The following KLF8 variants were observed in gnomAD, a reference collection of about 807,000 sequenced individuals.
KLF8 encodes Krueppel-like factor 8.
In KLF8, 10 loss-of-function variants were observed where a neutral mutation model predicts 18.2. The observed-to-expected ratio is 0.55, with a 90% CI of 0.34 to 0.93. KLF8 has a LOEUF of 0.93. Ranked by LOEUF, KLF8 falls within the 40% of genes least tolerant of loss-of-function variation. The pLI, the probability that KLF8 is intolerant of heterozygous loss-of-function variation, is 0.02. For synonymous variants in KLF8, 109 were observed against 97.3 expected (o/e 1.12, Z -0.71); for missense variants, 264 against 277.9 (o/e 0.95, Z 0.36).
chrX:56,243,299 G>T (rs1027541907), intron 1 of KLF8: 4 of 385,152 alleles, frequency 1.0e-5, no homozygotes, highest in South Asian at 2.9e-5. Context: ...CTTCTTTTTT[G>T]TGTGTGTGGT....
the KLF8 span, among the ~76,000 whole-genome samples, chrX:55,979,930 C>T: frequency 8.9e-6 from 1 of 111,894 alleles, no homozygotes; most frequent in African/African-American, 3.2e-5. Flanking sequence ...TTCTGTGATG[C>T]TTCTTTGTCA....
chrX:56,215,235 G>A, the KLF8 span, among the ~76,000 whole-genome samples: 2 of 111,865 alleles, frequency 1.8e-5, no homozygotes, highest in Admixed American at 1.9e-4. Context: ...TTGCATTGGT[G>A]ATCTGTATAT....
At chrX:56,140,913 A>T in the KLF8 span, among the ~76,000 whole-genome samples, 1 of 110,901 alleles carries the variant, frequency 9.0e-6, no homozygotes, top group Non-Finnish European at 1.9e-5. Context: ...CAACTTTTTT[A>T]AAAATTGACA....
the KLF8 span, among the ~76,000 whole-genome samples, chrX:56,078,073 C>T: frequency 9.1e-6 from 1 of 109,962 alleles, no homozygotes; most frequent in South Asian, 3.7e-4. Flanking sequence ...GATATTAAAT[C>T]ATGTCATCTG....
At chrX:55,989,503 G>A in the KLF8 span, among the ~76,000 whole-genome samples, 12 of 112,290 alleles carry the variant, frequency 1.1e-4, no homozygotes, top group African/African-American at 3.9e-4. Context: ...TCTGGATAAC[G>A]TTTACTGATT....
chrX:56,059,737 T>C, the KLF8 span, among the ~76,000 whole-genome samples: 1 of 111,682 alleles, frequency 9.0e-6, no homozygotes, highest in Non-Finnish European at 1.9e-5. Context: ...ACCAGTACCG[T>C]GCTGTTTTGT....
At chrX:56,172,457 AG>A in the KLF8 span, among the ~76,000 whole-genome samples, 27 of 111,636 alleles carry the variant, frequency 2.4e-4, no homozygotes, top group African/African-American at 8.8e-4. Flanking sequence ...ATGGCTGCAT[AG>A]TATTCCTTGG....
chrX:55,911,141 G>T, the KLF8 span, among the ~76,000 whole-genome samples: 1 of 111,950 alleles, frequency 8.9e-6, no homozygotes. Context: ...TTAGAAAATC[G>T]TAAGCAAGAG....
the KLF8 span, among the ~76,000 whole-genome samples, chrX:56,183,976 T>A: frequency 9.0e-6 from 1 of 111,004 alleles, no homozygotes; most frequent in Admixed American, 9.6e-5. Flanking sequence ...CATTTCCATC[T>A]GAGGTACCAG....
the KLF8 span, among the ~76,000 whole-genome samples, chrX:56,138,643 A>C: frequency 9.0e-6 from 1 of 111,299 alleles, no homozygotes; most frequent in Non-Finnish European, 1.9e-5. Flanking sequence ...ACCTCAACTA[A>C]TTAGGCATTG....
chrX:56,197,788 A>G, the KLF8 span, among the ~76,000 whole-genome samples: 1 of 111,944 alleles, frequency 8.9e-6, no homozygotes, highest in African/African-American at 3.2e-5. Context: ...CAACAAAAAA[A>G]AGAGAATTTC....
At chrX:55,990,002 T>C in the KLF8 span, among the ~76,000 whole-genome samples, 1 of 112,071 alleles carries the variant, frequency 8.9e-6, no homozygotes, top group Non-Finnish European at 1.9e-5. Flanking sequence ...GAGGTGTTTA[T>C]AGTATTCTCT....
At chrX:55,991,127 C>T in the KLF8 span, among the ~76,000 whole-genome samples, 1 of 112,293 alleles carries the variant, frequency 8.9e-6, no homozygotes, top group African/African-American at 3.2e-5. Flanking sequence ...GCAGGCAGGC[C>T]TCCTTGAGCT....
the KLF8 span, among the ~76,000 whole-genome samples, chrX:56,052,702 A>C: frequency 8.9e-6 from 1 of 112,146 alleles, no homozygotes; most frequent in African/African-American, 3.2e-5. Flanking sequence ...AAGTCTGCAG[A>C]GGTGACTGCT....
the KLF8 span, among the ~76,000 whole-genome samples, chrX:55,965,837 A>G: frequency 6.2e-5 from 7 of 112,080 alleles, no homozygotes; most frequent in Admixed American, 6.6e-4. Flanking sequence ...GGGAGGTGAA[A>G]CGTCTTTACA....
At chrX:56,046,948 C>T in the KLF8 span, among the ~76,000 whole-genome samples, 1 of 111,660 alleles carries the variant, frequency 9.0e-6, no homozygotes, top group African/African-American at 3.2e-5. Flanking sequence ...ATTATTCCCT[C>T]CAATATGTTT....
intron 5 of KLF8, among the ~76,000 whole-genome samples, chrX:56,280,136 C>T (rs2067181119): frequency 8.9e-6 from 1 of 112,405 alleles, no homozygotes; most frequent in South Asian, 3.7e-4. Flanking sequence ...TATAACAGTT[C>T]TTGTTAAACA....
the KLF8 span, among the ~76,000 whole-genome samples, chrX:55,989,928 T>C: frequency 9.0e-6 from 1 of 111,308 alleles, no homozygotes; most frequent in East Asian, 2.8e-4. Context: ...TGGTTTAGTC[T>C]TGGGGGGGTG....
chrX:56,058,774 C>A, the KLF8 span, among the ~76,000 whole-genome samples: 1 of 111,177 alleles, frequency 9.0e-6, no homozygotes, highest in Admixed American at 9.5e-5. Context: ...GGGTTGGTCC[C>A]AAGTCTTTGC....
Sources: gnomAD v4.1 joint callset for allele counts (sites outside exome capture counted in the v4.1 genomes callset) on GRCh38, gnomAD v4.1.1 for gene constraint, MANE v1.5 for transcripts, NCBI Gene and HGNC (gene_info 2026-07-23, HGNC 2026-07-21) for gene names.